TBC1D28: variants seen among roughly 807,000 people sequenced by gnomAD.
TBC1D28 encodes the protein TBC1 domain family member 28.
A neutral mutation model predicts 29.2 loss-of-function variants in TBC1D28; 20 were observed. The ratio of observed to expected loss-of-function variants is 0.68; its 90% CI spans 0.48 to 0.99. The LOEUF is 0.99. Among genes scored for constraint, TBC1D28 ranks in the 50% least tolerant of loss-of-function variants. The pLI is 0.00. For missense variants in TBC1D28, 205 were observed against 243.7 expected (o/e 0.84, Z 1.06); for synonymous variants, 65 against 90.9 (o/e 0.71, Z 1.62).
chr17:18,641,103 C>A (rs1316105648), exon 4 of TBC1D28: 1 of 701,078 alleles, frequency 1.4e-6, no homozygotes. Context: ...AGCTCGGTGT[C>A]CCTGAAACCC....
chr17:18,639,108 T>G, intron 5 of TBC1D28, 67 bp downstream of exon 6: 1 of 1,302,570 alleles, frequency 7.7e-7, no homozygotes, highest in Non-Finnish European at 1.1e-6. Context: ...CCACCCCCTC[T>G]GCCTTACCGA....
exon 9 of TBC1D28, chr17:18,635,907 C>T: frequency 1.0e-6 from 1 of 988,834 alleles, no homozygotes; most frequent in South Asian, 4.6e-5. Flanking sequence ...CCCTTGAAGT[C>T]ACCCGCCAGT....
chr17:18,641,465 C>T, intron 2 of TBC1D28, 112 bp from the exon 4 acceptor site: 3 of 1,042,738 alleles, frequency 2.9e-6, no homozygotes, highest in Non-Finnish European at 4.3e-6. Flanking sequence ...CCCCATTCCA[C>T]TACCCCTCCC....
At chr17:18,636,647 A>G in intron 8 of TBC1D28, 50 bp from the exon 10 acceptor site, 4 of 1,587,646 alleles carry the variant, frequency 2.5e-6, no homozygotes, top group Non-Finnish European at 3.4e-6. Flanking sequence ...AGACGCTGTC[A>G]ATTTCATTTT....
intron 6 of TBC1D28, 35 bp from the exon 8 acceptor site, chr17:18,638,455 A>G (rs767838402): frequency 1.9e-6 from 3 of 1,612,562 alleles, no homozygotes; most frequent in Non-Finnish European, 2.5e-6. Context: ...GAGAAAGGAC[A>G]TGGGGCAACC....
At chr17:18,634,816 G>GCCCCTCAGCCCCTCAGCCT (rs2031404076), downstream of TBC1D28, among the ~76,000 whole-genome samples, 6 of 94,766 alleles carry the variant, frequency 6.3e-5, no homozygotes, top group African/African-American at 2.3e-4. Context: ...CCCCTCAGCC[G>GCCCCTCAGCCCCTCAGCCT]CCTCAGCCCC....
intron 8 of TBC1D28, 31 bp downstream of exon 9, chr17:18,637,833 C>G: frequency 6.2e-7 from 1 of 1,613,586 alleles, no homozygotes; most frequent in East Asian, 2.2e-5. Flanking sequence ...CCCATCTTCT[C>G]TGGGACCCCT....
Position 18,637,856 on chromosome 17 carries a change from G to C in TBC1D28, c.497+8C>G. 6.2e-7 allele frequency: 1 copy of C among 1,613,598 alleles called. No individual in the cohort carries two copies. Among genetic ancestry groups the C allele is most frequent in the Non-Finnish European group, 8.5e-7 (1 of 1,179,780 alleles). ...CTCTGGGACCCCTGCAAGCCCCATTGGCCTTACTTGACTCCGAATCTTTGT... is the reference window on the plus strand; with the variant it reads ...CTCTGGGACCCCTGCAAGCCCCATTCGCCTTACTTGACTCCGAATCTTTGT... On this transcript the variant is annotated splice_region_variant and intron_variant, in intron 8 of 8. Transcript: ENST00000345096.
upstream of TBC1D28, chr17:18,642,919 T>C (rs200105207): frequency 6.6e-6 from 1 of 152,300 alleles, no homozygotes; most frequent in East Asian, 1.9e-4. Context: ...TAATGGGCCA[T>C]TGCCCAGGTC....
At chr17:18,641,456 C>T (rs992753374) in intron 2 of TBC1D28, 103 bp from the exon 4 acceptor site, 16 of 1,037,278 alleles carry the variant, frequency 1.5e-5, no homozygotes, top group Non-Finnish European at 2.2e-5. Flanking sequence ...TCTGGTGAGC[C>T]CCATTCCACT....
chr17:18,640,214 G>T (rs896609458), intron 4 of TBC1D28, among the ~76,000 whole-genome samples: 1 of 151,892 alleles, frequency 6.6e-6, no homozygotes, highest in East Asian at 2.0e-4. Flanking sequence ...GACTGACCAA[G>T]TTCCCCCACT....
At chr17:18,641,639 G>A (rs1395936313) in exon 2 of TBC1D28, 3 of 485,338 alleles carry the variant, frequency 6.2e-6, no homozygotes, top group East Asian at 3.3e-5. Context: ...CACCTGCCCT[G>A]GCAGGACAAA....
upstream of TBC1D28, chr17:18,643,000 G>A (rs935709539): frequency 7.2e-5 from 11 of 152,324 alleles, no homozygotes; most frequent in African/African-American, 1.7e-4. Flanking sequence ...GAGCATGTAT[G>A]TTTATGTGGG....
intron 6 of TBC1D28, 37 bp from the exon 8 acceptor site, chr17:18,638,457 G>A (rs1171943683): frequency 6.2e-7 from 1 of 1,611,974 alleles, no homozygotes; most frequent in Admixed American, 1.7e-5. Flanking sequence ...GAAAGGACAT[G>A]GGGCAACCCC....
Position 18,637,989 on chromosome 17 carries a change from A to G in TBC1D28, c.388-16T>C. 7.5e-7 allele frequency: 1 copy of G among 1,340,102 alleles called. No individual in the cohort carries two copies. Among genetic ancestry groups the G allele is most frequent in the African/African-American group, 1.6e-5 (1 of 63,144 alleles). 83.0% of individuals were successfully genotyped at this position (1,340,102 alleles called of 1,614,324 possible). A position where few individuals can be genotyped will look rare whatever the true frequency, so the allele number is the denominator to read the frequency against. ...CCTTCATGACCTGTAGGGCGGGGCC[A>G]AGAGGAGGAAGCAGCCTCAGAACAG... On this transcript the variant is annotated splice_polypyrimidine_tract_variant and intron_variant, in intron 7 of 8. Coordinates refer to ENST00000345096, the Ensembl canonical transcript of TBC1D28.
upstream of TBC1D28, among the ~76,000 whole-genome samples, chr17:18,643,751 G>T (rs1214540661): frequency 1.3e-5 from 2 of 152,212 alleles, no homozygotes; most frequent in Non-Finnish European, 2.9e-5. Flanking sequence ...ACTGCCCACA[G>T]GCAGAGGGCT....
chr17:18,638,757 C>G lies in TBC1D28; in HGVS notation c.199-56G>C, dbSNP rs532950821. 2.5e-6 allele frequency: 4 copies of G among 1,612,710 alleles called. No homozygotes were observed. In the East Asian group the frequency reaches 6.7e-5, roughly 27 times the overall value. On this transcript the variant is annotated intron_variant, in intron 5 of 8. Transcript: ENST00000345096. ...AGCTGTCAGTCGTCTGACAGTGGCC[C>G]GTGGATGCTGGGTCCAGGGCTTTGG...
exon 9 of TBC1D28, chr17:18,636,549 A>G (rs745474005): frequency 1.9e-6 from 3 of 1,614,030 alleles, no homozygotes; most frequent in Non-Finnish European, 2.5e-6. Context: ...GAATACTCAC[A>G]GGGTTATATG....
At chr17:18,641,032 C>A (rs559339752) in exon 4 of TBC1D28, 1 of 571,132 alleles carries the variant, frequency 1.8e-6, no homozygotes, top group Non-Finnish European at 3.0e-6. Context: ...TGCACAATCC[C>A]GAGGTTATTG....
Sources: gnomAD v4.1 joint callset for allele counts (sites outside exome capture counted in the v4.1 genomes callset) on GRCh38, gnomAD v4.1.1 for gene constraint, MANE v1.5 for transcripts, NCBI Gene and HGNC (gene_info 2026-07-23, HGNC 2026-07-21) for gene names.